The following SPON2 variants were observed in gnomAD, a reference collection of about 807,000 sequenced individuals.
SPON2 encodes spondin 2, also known as spondin-2.
In SPON2, 32 loss-of-function variants were observed where a neutral mutation model predicts 29.9. The observed-to-expected ratio is 1.07, with a 90% CI of 0.81 to 1.44. The LOEUF (loss-of-function observed/expected upper bound fraction) is 1.44. Ranked by LOEUF, SPON2 falls within the 40% of genes most tolerant of loss-of-function variation. The pLI is 0.00. For missense variants in SPON2, 541 were observed against 455.5 expected (o/e 1.19, Z -1.71); for synonymous variants, 248 against 209.1 (o/e 1.19, Z -1.61).
chr4:1,188,223 A>AAG (rs1553831337), intron 1 of SPON2, among the ~76,000 whole-genome samples: 59 of 143,586 alleles, frequency 4.1e-4, no homozygotes, highest in Middle Eastern at 3.8e-3. Context: ...AAAAAAAAAA[A>AAG]AAAGAAATGA....
chr4:1,181,338 A>G (rs1727697177), intron 1 of SPON2, among the ~76,000 whole-genome samples: 1 of 152,386 alleles, frequency 6.6e-6, no homozygotes, highest in South Asian at 2.1e-4. Context: ...ACCAGAGTCT[A>G]TCACTAGGAA....
At chr4:1,174,388 G>A (rs781202921), upstream of SPON2, among the ~76,000 whole-genome samples, 15 of 151,188 alleles carry the variant, frequency 9.9e-5, no homozygotes, top group Non-Finnish European at 1.9e-4. Flanking sequence ...TCAGAAGGCT[G>A]AGGCAGGAGA....
intron 5 of SPON2, 94 bp from the exon 6 acceptor site, chr4:1,167,750 C>CT: frequency 7.3e-7 from 1 of 1,369,428 alleles, no homozygotes; most frequent in African/African-American, 1.4e-5. Context: ...GTGCATTCAT[C>CT]AGAGGCCACG....
At chr4:1,172,887 TCC>T (rs1727507073), upstream of SPON2, 1 of 766 alleles carries the variant, frequency 1.3e-3, no homozygotes, top group African/African-American at 3.3e-3. Flanking sequence ...TCCCTTCCCC[TCC>T]CCTCCCCTCC....
intron 5 of SPON2, among the ~76,000 whole-genome samples, chr4:1,168,870 G>C (rs1727330304): frequency 6.6e-6 from 1 of 152,218 alleles, no homozygotes; most frequent in Non-Finnish European, 1.5e-5. Flanking sequence ...GCGTGGACCT[G>C]GCGGAGCCTC....
In SPON2 at chr4:1,168,923, G is replaced by A. The variant is rs568434048; in HGVS notation, c.812-1267C>T. 3.9e-5 allele frequency among the ~76,000 whole-genome samples: 6 copies of A among 152,296 alleles called. No homozygotes were observed. In the East Asian group the frequency reaches 1.2e-3, roughly 29 times the overall value. ...CATGCCCATCCCAGCCTCTGCCCTC[G>A]GGAAGCCAGAAGTCACAGGAGAGAC... On this transcript the variant is annotated intron_variant, in intron 5 of 5. Coordinates refer to ENST00000290902, the MANE Select transcript of SPON2 (RefSeq NM_012445.4).
At chr4:1,201,255 C>T (rs1486361001) in intron 1 of SPON2, 1 of 396,018 alleles carries the variant, frequency 2.5e-6, no homozygotes, top group Non-Finnish European at 5.3e-6. Flanking sequence ...GCTGGGGCCC[C>T]ATGCCCGCCC....
chr4:1,200,730 G>A (rs770544660), intron 1 of SPON2: 55 of 441,718 alleles, frequency 1.2e-4, no homozygotes, highest in South Asian at 5.1e-4. Context: ...GGACGGGGTG[G>A]TAAGGGGGAG....
chr4:1,170,590 AGAG>A lies in SPON2; in HGVS notation c.637-17_637-15del, dbSNP rs140283251. The A allele has an allele frequency of 0.12, 197,935 of 1,605,092 alleles. 14,132 individuals carry two copies. The highest frequency in any genetic ancestry group is 0.31 in the African/African-American group (22,848 of 74,648). ...GGAGGACGTTATCTGGGGAGGAAGAAGAGGAGGTTGGCCTGGGGTCCGAGAAGC... is the reference window on the plus strand; with the variant it reads ...GGAGGACGTTATCTGGGGAGGAAGAAGAGGTTGGCCTGGGGTCCGAGAAGC... On this transcript the variant is annotated splice_polypyrimidine_tract_variant and intron_variant, in intron 4 of 5. Coordinates refer to ENST00000290902, the MANE Select transcript of SPON2 (RefSeq NM_012445.4).
intron 1 of SPON2, among the ~76,000 whole-genome samples, chr4:1,207,705 G>A (rs549816717): frequency 6.6e-6 from 1 of 152,290 alleles, no homozygotes; most frequent in Admixed American, 6.5e-5. Context: ...CTAACCATGC[G>A]CCGCGCTTAC....
chr4:1,181,441 C>T (rs1727698375), intron 1 of SPON2, among the ~76,000 whole-genome samples: 1 of 152,122 alleles, frequency 6.6e-6, no homozygotes, highest in Non-Finnish European at 1.5e-5. Context: ...AAACAAAGAG[C>T]ACTGGTAAAG....
chr4:1,187,147 C>G (rs1240641187), intron 1 of SPON2, among the ~76,000 whole-genome samples: 1 of 152,132 alleles, frequency 6.6e-6, no homozygotes, highest in African/African-American at 2.4e-5. Context: ...AATGAACAAA[C>G]AGATAAGCAG....
At position 1,167,355 on chromosome 4, in the gene SPON2, GC is replaced by G; in HGVS notation, c.*116del. On this transcript the variant is annotated 3_prime_UTR_variant, in exon 6 of 6. Coordinates refer to ENST00000290902, the MANE Select transcript of SPON2 (RefSeq NM_012445.4). The stretch of plus-strand genomic sequence containing the variant: ...CAGAGATGGTCGGCGCGGCCTCACC[GC>G]GGTCAGGAGCAGCGCGAAACCCCCT... The G allele has an allele frequency of 1.8e-6, 2 of 1,114,132 alleles. No individual in the cohort carries two copies. The highest frequency in any genetic ancestry group is 2.6e-6 in the Non-Finnish European group (2 of 782,752). 69.0% of individuals were successfully genotyped at this position (1,114,132 alleles called of 1,614,324 possible).
At chr4:1,192,172 G>C (rs1727927038) in intron 1 of SPON2, among the ~76,000 whole-genome samples, 1 of 152,250 alleles carries the variant, frequency 6.6e-6, no homozygotes, top group African/African-American at 2.4e-5. Flanking sequence ...TTCCTCTGCA[G>C]AGTGTGGGAT....
At chr4:1,171,775 G>T in intron 2 of SPON2, 77 bp downstream of exon 2, 1 of 1,025,980 alleles carries the variant, frequency 9.7e-7, no homozygotes. Flanking sequence ...GGGAAGCGCC[G>T]CCGTGCAGCT....
chr4:1,184,598 C>T (rs1727757400), intron 1 of SPON2, among the ~76,000 whole-genome samples: 2 of 152,120 alleles, frequency 1.3e-5, no homozygotes, highest in South Asian at 4.2e-4. Flanking sequence ...TAATCAAAAT[C>T]TAATAATCTA....
chr4:1,171,416 A>G lies in SPON2; in HGVS notation c.291T>C (p.Phe97=). The G allele has an allele frequency of 6.2e-7, 1 of 1,612,304 alleles. No homozygotes were observed. The highest frequency in any genetic ancestry group is 1.3e-5 in the African/African-American group (1 of 75,014). ...NQYVSNGLRD[F]AERGEAWALM... ...GCGCCCAGGCCTCGCCGCGCTCCGC[A>G]AAGTCGCGCAGCCCGTTACTGACGT... is the stretch of plus-strand genomic sequence containing the variant. The change falls in exon 3 of 6, where the codon TTT becomes TTC. Residue 97 remains phenylalanine (F), a synonymous_variant. Transcript: ENST00000290902.
upstream of SPON2, among the ~76,000 whole-genome samples, chr4:1,174,486 C>CAAAAAAAAAAAAAAAAAAAAA (rs59532169): frequency 1.4e-4 from 13 of 94,278 alleles, no homozygotes; most frequent in African/African-American, 4.4e-4. Flanking sequence ...GACTCCATCT[C>CAAAAAAAAAAAAAAAAAAAAA]AAAAAAAAAA....
Position 1,201,243 on chromosome 4 carries a change from A to T in SPON2, c.-234+6637T>A, listed in dbSNP as rs554243449. On this transcript the variant is annotated intron_variant, in intron 1 of 3. Transcript: ENST00000509233. Reference sequence around the variant, plus strand: ...GAGGGGGTGGGTCTGGCCCTGTGCCATGCTGGGGCCCCATGCCCGCCCTAC... The same window carrying T: ...GAGGGGGTGGGTCTGGCCCTGTGCCTTGCTGGGGCCCCATGCCCGCCCTAC... 219 of 404,924 alleles carry T rather than the reference A, an allele frequency of 5.4e-4. 6 individuals carry two copies. The highest frequency in any genetic ancestry group is 3.7e-3 in the South Asian group (218 of 58,250). 25.1% of individuals were successfully genotyped at this position (404,924 alleles called of 1,614,324 possible).
Sources: allele counts gnomAD v4.1 joint callset (sites outside exome capture counted in the v4.1 genomes callset), GRCh38; gene constraint gnomAD v4.1.1; transcripts MANE v1.5; gene names NCBI Gene and HGNC (gene_info 2026-07-23, HGNC 2026-07-21).